The following TBC1D32 variants were observed in gnomAD, a reference collection of about 807,000 sequenced individuals.
TBC1D32 encodes TBC1 domain family member 32, also known as protein broad-minded.
In TBC1D32, 151 loss-of-function variants were observed where a neutral mutation model predicts 170.3. The observed-to-expected ratio is 0.89, with a 90% CI of 0.78 to 1.01. The LOEUF (loss-of-function observed/expected upper bound fraction) is 1.01, where lower values mean the gene tolerates loss of function less well. Among genes scored for constraint, TBC1D32 ranks in the 50% least tolerant of loss-of-function variants. TBC1D32 has a pLI of 0.00. For synonymous variants in TBC1D32, 498 were observed against 488.0 expected (o/e 1.02, Z -0.27); for missense variants, 1,464 against 1,457.1 (o/e 1.00, Z -0.08).
At chr6:121,333,001 C>T (rs1485117097) in intron 1 of TBC1D32, among the ~76,000 whole-genome samples, 1 of 152,142 alleles carries the variant, frequency 6.6e-6, no homozygotes, top group Non-Finnish European at 1.5e-5. Flanking sequence ...GTAGTGAAAA[C>T]TGTAAATACT....
chr6:121,145,783 T>G (rs1239203450), intron 24 of TBC1D32, among the ~76,000 whole-genome samples: 2 of 152,162 alleles, frequency 1.3e-5, no homozygotes, highest in Non-Finnish European at 2.9e-5. Context: ...TCAGGTTCAC[T>G]CAGGAGACTG....
chr6:121,103,935 T>A (rs1235870409), intron 30 of TBC1D32, among the ~76,000 whole-genome samples: 2 of 151,884 alleles, frequency 1.3e-5, no homozygotes, highest in African/African-American at 4.8e-5. Context: ...ACTTAAAAAA[T>A]TTTGTGATTT....
intron 22 of TBC1D32, chr6:121,170,677 A>G: frequency 1.9e-6 from 1 of 525,976 alleles, no homozygotes; most frequent in Non-Finnish European, 2.9e-6. Flanking sequence ...TTTTTAATAA[A>G]TTAGAATAGT....
At chr6:121,244,632 T>C (rs931424832) in intron 17 of TBC1D32, among the ~76,000 whole-genome samples, 2 of 152,204 alleles carry the variant, frequency 1.3e-5, no homozygotes, top group African/African-American at 4.8e-5. Context: ...TCTACTCACT[T>C]ATTAAATTAC....
chr6:121,323,773 C>T (rs1432387172), intron 1 of TBC1D32, among the ~76,000 whole-genome samples: 1 of 152,158 alleles, frequency 6.6e-6, no homozygotes, highest in African/African-American at 2.4e-5. Context: ...AATCCCATTT[C>T]TACCAAAAAT....
rs180921754 is a variant in TBC1D32, at chr6:121,079,724, C to T, written c.*1047G>A. ...TGCAGAGACATCTATTTAAATAAGA[C>T]AAATCATAGTGTTAGCCATTTAAAA... is the stretch of plus-strand genomic sequence containing the variant. On this transcript the variant is annotated 3_prime_UTR_variant, in exon 32 of 32. Coordinates refer to ENST00000398212, the MANE Select transcript of TBC1D32 (RefSeq NM_152730.6). The T allele has an allele frequency of 3.2e-4, 48 of 152,132 alleles. No homozygotes were observed. The highest frequency in any genetic ancestry group is 1.0e-3 in the African/African-American group (42 of 41,530). The allele number at this position is 152,132 out of a possible 1,614,324, so 9.4% of individuals were successfully genotyped here. A position where few individuals can be genotyped will look rare whatever the true frequency, so the allele number is the denominator to read the frequency against.
At chr6:121,136,574 T>C (rs567260726) in intron 24 of TBC1D32, among the ~76,000 whole-genome samples, 1 of 152,126 alleles carries the variant, frequency 6.6e-6, no homozygotes, top group East Asian at 1.9e-4. Context: ...TTACCCAAAA[T>C]ATTAATAGTG....
chr6:121,141,429 A>G (rs1250321235), intron 24 of TBC1D32, among the ~76,000 whole-genome samples: 1 of 152,232 alleles, frequency 6.6e-6, no homozygotes, highest in African/African-American at 2.4e-5. Context: ...TGTCTAGAAT[A>G]CATAAAGTGC....
At chr6:121,306,120 AAT>A (rs980033155) in intron 5 of TBC1D32, among the ~76,000 whole-genome samples, 3 of 152,116 alleles carry the variant, frequency 2.0e-5, no homozygotes, top group Non-Finnish European at 4.4e-5. Context: ...ACCCTGAGAT[AAT>A]ATGTTTTCAC....
At chr6:121,292,251 G>A in intron 11 of TBC1D32, 58 bp from the exon 12 acceptor site, 1 of 1,487,854 alleles carries the variant, frequency 6.7e-7, no homozygotes, top group Non-Finnish European at 9.1e-7. Flanking sequence ...TACAGTACCT[G>A]TCTTCATTCC....
intron 15 of TBC1D32, among the ~76,000 whole-genome samples, chr6:121,274,203 C>T (rs1008776279): frequency 6.6e-5 from 10 of 151,812 alleles, no homozygotes; most frequent in African/African-American, 2.2e-4. Context: ...CGTGGTGGCA[C>T]ACACCTATAG....
At chr6:121,197,400 G>T (rs1790881109) in intron 22 of TBC1D32, among the ~76,000 whole-genome samples, 1 of 152,190 alleles carries the variant, frequency 6.6e-6, no homozygotes, top group South Asian at 2.1e-4. Flanking sequence ...GTAGGAGAAG[G>T]TAGTCATCAA....
At chr6:121,197,725 C>T (rs1199223577) in intron 22 of TBC1D32, among the ~76,000 whole-genome samples, 1 of 152,084 alleles carries the variant, frequency 6.6e-6, no homozygotes, top group East Asian at 1.9e-4. Flanking sequence ...TATGTATAAT[C>T]TCAGGAGATG....
At chr6:121,326,510 A>T (rs1360233243) in intron 1 of TBC1D32, among the ~76,000 whole-genome samples, 1 of 152,214 alleles carries the variant, frequency 6.6e-6, no homozygotes, top group Admixed American at 6.5e-5. Context: ...TCATTTTTTA[A>T]AAAAATCTCC....
intron 22 of TBC1D32, among the ~76,000 whole-genome samples, chr6:121,181,254 G>A (rs1407833549): frequency 6.6e-6 from 1 of 152,064 alleles, no homozygotes; most frequent in Non-Finnish European, 1.5e-5. Context: ...CAAATCTCAT[G>A]TCAAATTGTA....
At chr6:121,105,070 G>T (rs1490453499) in intron 30 of TBC1D32, among the ~76,000 whole-genome samples, 1 of 151,866 alleles carries the variant, frequency 6.6e-6, no homozygotes, top group Admixed American at 6.6e-5. Context: ...AATTTGGACA[G>T]TTGTTGCTAC....
chr6:121,095,375 C>A (rs1354388341), intron 30 of TBC1D32, among the ~76,000 whole-genome samples: 1 of 152,162 alleles, frequency 6.6e-6, no homozygotes, highest in East Asian at 1.9e-4. Context: ...TTCAAAGGTT[C>A]TCATAAGAAC....
intron 26 of TBC1D32, among the ~76,000 whole-genome samples, chr6:121,120,332 T>C (rs1028258554): frequency 6.6e-6 from 1 of 152,092 alleles, no homozygotes; most frequent in Non-Finnish European, 1.5e-5. Flanking sequence ...CAGTAACGCA[T>C]GCACACTGAG....
At chr6:121,175,365 G>A (rs968417620) in intron 22 of TBC1D32, among the ~76,000 whole-genome samples, 2 of 152,134 alleles carry the variant, frequency 1.3e-5, no homozygotes, top group Non-Finnish European at 2.9e-5. Context: ...ACTGAATTCT[G>A]CTAATTAGGG....
Sources: gnomAD v4.1 joint callset for allele counts (sites outside exome capture counted in the v4.1 genomes callset) on GRCh38, gnomAD v4.1.1 for gene constraint, MANE v1.5 for transcripts, NCBI Gene and HGNC (gene_info 2026-07-23, HGNC 2026-07-21) for gene names.